Variants in LIMA1 observed in about 807,000 individuals in gnomAD.
LIMA1 encodes the protein LIM domain and actin binding 1.
In LIMA1, 52 loss-of-function variants were observed where a neutral mutation model predicts 62.6. The ratio of observed to expected loss-of-function variants is 0.83; its 90% CI spans 0.67 to 1.05. LIMA1 has a LOEUF of 1.05. LIMA1 is among the 50% of genes least tolerant of loss of function. The pLI, the probability that LIMA1 is intolerant of heterozygous loss-of-function variation, is 0.00. For missense variants in LIMA1, 780 were observed against 902.2 expected (o/e 0.86, Z 1.74); for synonymous variants, 302 against 317.8 (o/e 0.95, Z 0.53).
At chr12:50,240,114 G>C (rs1039418247) in intron 2 of LIMA1, among the ~76,000 whole-genome samples, 1 of 151,918 alleles carries the variant, frequency 6.6e-6, no homozygotes, top group African/African-American at 2.4e-5. Flanking sequence ...TGTAGGCTGA[G>C]ATGTGAAGTT....
intron 4 of LIMA1, among the ~76,000 whole-genome samples, chr12:50,207,880 A>G (rs1176769125): frequency 7.4e-6 from 1 of 135,748 alleles, no homozygotes; most frequent in Non-Finnish European, 1.6e-5. Flanking sequence ...ACAGAGTGAG[A>G]CCCTGTCTCA....
chr12:50,185,643 A>AT (rs1195549514), intron 9 of LIMA1: 6 of 368,432 alleles, frequency 1.6e-5, no homozygotes, highest in Non-Finnish European at 2.7e-5. Context: ...GCTGGAACAT[A>AT]TCCCAGCTCA....
At chr12:50,278,041 C>T (rs1279937173) in intron 1 of LIMA1, among the ~76,000 whole-genome samples, 2 of 152,030 alleles carry the variant, frequency 1.3e-5, no homozygotes, top group African/African-American at 4.8e-5. Context: ...TTTGGGAGGC[C>T]GAGGTGGGCA....
At chr12:50,203,815 G>A (rs1941102223) in intron 6 of LIMA1, among the ~76,000 whole-genome samples, 1 of 152,122 alleles carries the variant, frequency 6.6e-6, no homozygotes, top group African/African-American at 2.4e-5. Context: ...TACATCGTAA[G>A]GATTAAAGAT....
intron 1 of LIMA1, among the ~76,000 whole-genome samples, chr12:50,271,071 G>A (rs1369594534): frequency 2.0e-5 from 3 of 152,112 alleles, no homozygotes; most frequent in South Asian, 2.1e-4. Flanking sequence ...CAGCCTGGGC[G>A]ACAGAGCGAG....
intron 3 of LIMA1, 136 bp from the exon 4 acceptor site, chr12:50,222,621 C>T (rs757766705): frequency 7.8e-6 from 12 of 1,537,878 alleles, no homozygotes; most frequent in Middle Eastern, 3.3e-4. Context: ...TGAACAGTTA[C>T]AGCCTTGCCA....
At chr12:50,218,092 A>G (rs2138539781) in intron 4 of LIMA1, 1 of 152,628 alleles carries the variant, frequency 6.6e-6, no homozygotes, top group African/African-American at 2.4e-5. Flanking sequence ...TTTTTAGTAG[A>G]GACAGGGTTT....
intron 2 of LIMA1, among the ~76,000 whole-genome samples, chr12:50,247,959 A>T (rs1941874575): frequency 2.0e-5 from 3 of 152,126 alleles, no homozygotes; most frequent in African/African-American, 7.2e-5. Flanking sequence ...TTATTTACTA[A>T]TCAGCAGCCA....
At chr12:50,178,500 T>A (rs1466973012) in intron 10 of LIMA1, among the ~76,000 whole-genome samples, 1 of 150,826 alleles carries the variant, frequency 6.6e-6, no homozygotes, top group Non-Finnish European at 1.5e-5. Context: ...TGAGCTGAGA[T>A]TGTGCCACTG....
At position 50,200,444 on chromosome 12, in the gene LIMA1, A is replaced by T. The variant is rs190426705; in HGVS notation, c.972+333T>A. The stretch of plus-strand genomic sequence containing the variant: ...TCGAACTCCTGACCTCAGGTGATCC[A>T]CCTGCCTCACCCTCCCAAAGTGCTG... On this transcript the variant is annotated intron_variant, in intron 7 of 10. Coordinates refer to ENST00000341247, the MANE Select transcript of LIMA1 (RefSeq NM_016357.5). Among the ~76,000 whole-genome samples, 20 of 144,714 alleles carry T rather than the reference A, an allele frequency of 1.4e-4. No individual in the cohort carries two copies. In the East Asian group the frequency reaches 4.2e-3, roughly 30 times the overall value. The allele number at this position is 144,714 out of a possible 152,430, so 94.9% of individuals were successfully genotyped here. A position where few individuals can be genotyped will look rare whatever the true frequency, so the allele number is the denominator to read the frequency against.
intron 1 of LIMA1, among the ~76,000 whole-genome samples, chr12:50,258,868 G>T (rs755007294): frequency 6.0e-5 from 9 of 150,890 alleles, no homozygotes; most frequent in Non-Finnish European, 1.0e-4. Context: ...GGATGGTCTC[G>T]ATCTCTTGAC....
chr12:50,184,371 G>A (rs552958713), intron 9 of LIMA1, among the ~76,000 whole-genome samples: 4 of 152,310 alleles, frequency 2.6e-5, no homozygotes, highest in South Asian at 2.1e-4. Flanking sequence ...GGCCAGGTGC[G>A]ATGGCCCAGG....
intron 2 of LIMA1, among the ~76,000 whole-genome samples, chr12:50,235,619 C>T (rs899146482): frequency 6.6e-6 from 1 of 152,080 alleles, no homozygotes; most frequent in Non-Finnish European, 1.5e-5. Flanking sequence ...GCATCTCAGT[C>T]GCCATGTAGT....
chr12:50,280,051 G>A (rs921257708), intron 1 of LIMA1, among the ~76,000 whole-genome samples: 1 of 151,636 alleles, frequency 6.6e-6, no homozygotes, highest in African/African-American at 2.4e-5. Flanking sequence ...ATAATTAAGG[G>A]GGAAAATAGA....
intron 4 of LIMA1, among the ~76,000 whole-genome samples, chr12:50,217,405 T>C (rs1330154578): frequency 6.6e-6 from 1 of 151,946 alleles, no homozygotes; most frequent in Non-Finnish European, 1.5e-5. Context: ...TATTGCTAAA[T>C]AGCAAAAGCC....
chr12:50,188,638 T>C (rs1353621580), intron 9 of LIMA1: 1 of 152,276 alleles, frequency 6.6e-6, no homozygotes, highest in Non-Finnish European at 1.5e-5. Flanking sequence ...GGCATGGGTC[T>C]GAGGCAGAGA....
At chr12:50,263,729 T>C (rs1488311086) in intron 1 of LIMA1, among the ~76,000 whole-genome samples, 1 of 150,882 alleles carries the variant, frequency 6.6e-6, no homozygotes, top group Admixed American at 6.7e-5. Flanking sequence ...AACAGTCTGG[T>C]GGTTCCTCAA....
chr12:50,219,928 C>T (rs776323292), intron 4 of LIMA1, among the ~76,000 whole-genome samples: 13 of 151,970 alleles, frequency 8.6e-5, no homozygotes, highest in Non-Finnish European at 1.6e-4. Flanking sequence ...ACAAGCAATC[C>T]TCCTGCCTTG....
chr12:50,234,206 A>G (rs1429580490), intron 2 of LIMA1: 1 of 420,518 alleles, frequency 2.4e-6, no homozygotes, highest in Non-Finnish European at 4.7e-6. Flanking sequence ...ACCACCCAGA[A>G]CAACCTTTTT....
Sources: gnomAD v4.1 joint callset for allele counts (sites outside exome capture counted in the v4.1 genomes callset) on GRCh38, gnomAD v4.1.1 for gene constraint, MANE v1.5 for transcripts, NCBI Gene and HGNC (gene_info 2026-07-23, HGNC 2026-07-21) for gene names.